The following FYN variants were observed in gnomAD, a reference collection of about 807,000 sequenced individuals.
The protein encoded by FYN is tyrosine-protein kinase Fyn.
Under a neutral mutation model 70.2 loss-of-function variants are expected in FYN, and 10 were observed. The observed-to-expected ratio is 0.14, with a 90% confidence interval of 0.09 to 0.24. FYN has a LOEUF of 0.24. FYN is among the 10% of genes least tolerant of loss of function. The pLI, the probability that FYN is intolerant of heterozygous loss-of-function variation, is 1.00. For missense variants in FYN, 319 were observed against 673.1 expected (o/e 0.47, Z 5.82); for synonymous variants, 236 against 248.6 (o/e 0.95, Z 0.48).
intron 13 of FYN, 40 bp downstream of exon 13, chr6:111,674,459 C>T: frequency 6.4e-7 from 1 of 1,571,902 alleles, no homozygotes; most frequent in Non-Finnish European, 8.7e-7. Flanking sequence ...TCAAAAAAGC[C>T]TCCAATCTCA....
chr6:111,833,860 A>C (rs2114424639), intron 2 of FYN, among the ~76,000 whole-genome samples: 1 of 152,316 alleles, frequency 6.6e-6, no homozygotes, highest in Non-Finnish European at 1.5e-5. Context: ...AGCAGGATGC[A>C]CATTCAAGAA....
intron 2 of FYN, among the ~76,000 whole-genome samples, chr6:111,843,299 A>G (rs1473446932): frequency 6.6e-6 from 1 of 152,248 alleles, no homozygotes; most frequent in Non-Finnish European, 1.5e-5. Flanking sequence ...ATCACTAAAT[A>G]GGATGACTCC....
chr6:111,730,139 C>T (rs114070735), intron 3 of FYN, among the ~76,000 whole-genome samples: 111 of 152,286 alleles, frequency 7.3e-4, no homozygotes, highest in African/African-American at 2.6e-3. Context: ...GCCTGCTGAG[C>T]GTGTGCTCTT....
intron 3 of FYN, among the ~76,000 whole-genome samples, chr6:111,774,264 T>G (rs924616079): frequency 2.6e-5 from 4 of 152,174 alleles, no homozygotes. Flanking sequence ...GATTCAACTT[T>G]CAGGGACTGA....
chr6:111,784,274 G>A (rs1169296259), intron 2 of FYN, among the ~76,000 whole-genome samples: 1 of 152,174 alleles, frequency 6.6e-6, no homozygotes, highest in Non-Finnish European at 1.5e-5. Context: ...TTCTTGTTTA[G>A]GACTCCTTGA....
At position 111,663,796 on chromosome 6, in the gene FYN, T is replaced by TTTA. The variant is rs3831519; in HGVS notation, c.1406-1850_1406-1849insTAA. On this transcript the variant is annotated intron_variant, in intron 13 of 13. Coordinates refer to ENST00000354650, the MANE Select transcript of FYN (RefSeq NM_002037.5). ...GAGTGAGAGGCAGCGCTGTGGCTAA[T>TTTA]TAGCCTACATCCTCCTCCAATGGCT... Among the ~76,000 whole-genome samples, 531 of 152,156 alleles carry TTTA rather than the reference T, an allele frequency of 3.5e-3. 21 individuals are homozygous for TTTA. In the East Asian group the frequency reaches 0.089, roughly 26 times the overall value.
chr6:111,699,018 G>A (rs1218666202), intron 9 of FYN, among the ~76,000 whole-genome samples: 3 of 152,222 alleles, frequency 2.0e-5, no homozygotes, highest in African/African-American at 7.2e-5. Flanking sequence ...GGGAGGTGGA[G>A]GTTGCAGTGA....
chr6:111,816,329 G>A (rs1772488635), intron 2 of FYN, among the ~76,000 whole-genome samples: 1 of 151,982 alleles, frequency 6.6e-6, no homozygotes, highest in Non-Finnish European at 1.5e-5. Context: ...TAGAGCAAAA[G>A]CTCTGATAAT....
At chr6:111,724,729 C>T (rs1403417112) in intron 3 of FYN, among the ~76,000 whole-genome samples, 1 of 152,172 alleles carries the variant, frequency 6.6e-6, no homozygotes, top group Non-Finnish European at 1.5e-5. Context: ...AGAAGCCAAC[C>T]TAGGTGGGTG....
intron 1 of FYN, among the ~76,000 whole-genome samples, chr6:111,850,779 G>T (rs1019893598): frequency 6.6e-6 from 1 of 152,232 alleles, no homozygotes; most frequent in Non-Finnish European, 1.5e-5. Flanking sequence ...AGACAGACAT[G>T]CAGTGTGTGG....
chr6:111,845,830 A>T (rs1188800827), intron 2 of FYN, among the ~76,000 whole-genome samples: 1 of 152,098 alleles, frequency 6.6e-6, no homozygotes, highest in African/African-American at 2.4e-5. Context: ...CAGTGGGGGA[A>T]CTCAAGGCAC....
intron 3 of FYN, among the ~76,000 whole-genome samples, chr6:111,742,963 G>T (rs1474794348): frequency 7.0e-6 from 1 of 143,874 alleles, no homozygotes; most frequent in East Asian, 2.2e-4. Context: ...GGCTTGATAA[G>T]AATCTTTTTT....
At chr6:111,821,484 C>G (rs1772660540) in intron 2 of FYN, among the ~76,000 whole-genome samples, 1 of 152,090 alleles carries the variant, frequency 6.6e-6, no homozygotes, top group African/African-American at 2.4e-5. Context: ...AAAATTAATT[C>G]AAGATGGATT....
intron 12 of FYN, among the ~76,000 whole-genome samples, chr6:111,688,758 C>T (rs1050276475): frequency 6.6e-5 from 10 of 152,270 alleles, no homozygotes; most frequent in Admixed American, 5.9e-4. Context: ...ACAAGAGAGG[C>T]AGCGCAGAGG....
In FYN at chr6:111,758,611, C is replaced by T. The variant is rs149066544; in HGVS notation, c.-12+21955G>A. ...TCCTGCTGATTGTTAGACTGGAGGA[C>T]GACCTTTTCTCCTGAACTCCTGTTC... On this transcript the variant is annotated intron_variant, in intron 3 of 13. Transcript: ENST00000354650. Among the ~76,000 whole-genome samples, 602 of 152,310 alleles carry T rather than the reference C, an allele frequency of 4.0e-3. 2 individuals carry two copies. Among genetic ancestry groups the T allele is most frequent in the African/African-American group, 0.013 (540 of 41,576 alleles).
intron 2 of FYN, among the ~76,000 whole-genome samples, chr6:111,788,477 G>C (rs1771484573): frequency 6.6e-6 from 1 of 152,190 alleles, no homozygotes; most frequent in South Asian, 2.1e-4. Flanking sequence ...AGGAACTGCT[G>C]TGTGAGTCTT....
intron 3 of FYN, among the ~76,000 whole-genome samples, chr6:111,752,639 G>A (rs1802539631): frequency 6.6e-6 from 1 of 152,214 alleles, no homozygotes; most frequent in Non-Finnish European, 1.5e-5. Flanking sequence ...GGTGGAATAG[G>A]GTCTGAGTGG....
At position 111,662,402 on chromosome 6, in the gene FYN, G is replaced by A. The variant is rs532127360; in HGVS notation, c.1406-455C>T. 3.6e-4 allele frequency among the ~76,000 whole-genome samples: 55 copies of A among 152,214 alleles called. 1 individual carries two copies. Among genetic ancestry groups the A allele is most frequent in the African/African-American group, 1.3e-3 (53 of 41,512 alleles). Reference sequence around the variant, plus strand: ...AGACAGTAAATATTTTTGGCTTTGCGGGTCACATATGATCCCTGTCTTCTT... The same window carrying A: ...AGACAGTAAATATTTTTGGCTTTGCAGGTCACATATGATCCCTGTCTTCTT... On this transcript the variant is annotated intron_variant, in intron 13 of 13. Coordinates refer to ENST00000354650, the MANE Select transcript of FYN (RefSeq NM_002037.5).
At chr6:111,773,042 G>A (rs1246198870) in intron 3 of FYN, among the ~76,000 whole-genome samples, 2 of 150,806 alleles carry the variant, frequency 1.3e-5, no homozygotes, top group African/African-American at 4.9e-5. Flanking sequence ...GAGGTAAAGT[G>A]TCAAGATGTT....
Sources: allele counts gnomAD v4.1 joint callset (sites outside exome capture counted in the v4.1 genomes callset), GRCh38; gene constraint gnomAD v4.1.1; transcripts MANE v1.5; gene names NCBI Gene and HGNC (gene_info 2026-07-23, HGNC 2026-07-21).